LRRC53: variants seen among roughly 807,000 people sequenced by gnomAD.
LRRC53 encodes the protein leucine-rich repeat-containing protein 53.
Under a neutral mutation model 13.6 loss-of-function variants are expected in LRRC53, and 25 were observed. That is an observed-to-expected ratio of 1.83 (90% confidence interval 1.34 to 2.56). The LOEUF (loss-of-function observed/expected upper bound fraction) is 2.56. Ranked by LOEUF, LRRC53 falls within the 30% of genes most tolerant of loss-of-function variation. The pLI is 0.00. For synonymous variants in LRRC53, 204 were observed against 109.8 expected (o/e 1.86, Z -5.37); for missense variants, 527 against 275.8 (o/e 1.91, Z -6.45).
intron 1 of LRRC53, among the ~76,000 whole-genome samples, chr1:74,490,448 G>C (rs1166832862): frequency 1.3e-5 from 2 of 152,096 alleles, no homozygotes; most frequent in Non-Finnish European, 2.9e-5. Context: ...TCTGGAGGTG[G>C]ATTCCAGAAA....
At chr1:74,481,149 A>G (rs1024486677) in intron 2 of LRRC53, among the ~76,000 whole-genome samples, 181 bp from the exon 3 acceptor site, 14 of 152,218 alleles carry the variant, frequency 9.2e-5, no homozygotes, top group African/African-American at 3.4e-4. Flanking sequence ...CTGGCTATAT[A>G]TCAAAATGAT....
At chr1:74,487,995 G>T (rs1668853121) in intron 1 of LRRC53, among the ~76,000 whole-genome samples, 1 of 152,190 alleles carries the variant, frequency 6.6e-6, no homozygotes, top group Non-Finnish European at 1.5e-5. Context: ...GACTAAAGGA[G>T]TTTGGAGGAC....
chr1:74,497,850 A>G (rs1669409380), intron 1 of LRRC53, among the ~76,000 whole-genome samples: 1 of 152,206 alleles, frequency 6.6e-6, no homozygotes. Context: ...TCCGGAGTCC[A>G]ATTGATTCAG....
chr1:74,521,273 T>C, the LRRC53 span, among the ~76,000 whole-genome samples: 30 of 152,276 alleles, frequency 2.0e-4, no homozygotes, highest in South Asian at 6.0e-3. Context: ...GCTCATTAAC[T>C]TCTTTCTAGT....
At chr1:74,491,382 G>A (rs1030689602) in intron 1 of LRRC53, among the ~76,000 whole-genome samples, 1 of 152,168 alleles carries the variant, frequency 6.6e-6, no homozygotes, top group Admixed American at 6.5e-5. Flanking sequence ...ACCACTCCCA[G>A]CTAATTTTTG....
At chr1:74,531,624 T>C in the LRRC53 span, among the ~76,000 whole-genome samples, 14 of 152,336 alleles carry the variant, frequency 9.2e-5, no homozygotes, top group Non-Finnish European at 1.8e-4. Flanking sequence ...AAGAGATTTA[T>C]TATCCTAGTG....
intron 1 of LRRC53, among the ~76,000 whole-genome samples, chr1:74,501,149 T>A (rs1328564133): frequency 6.6e-6 from 1 of 152,186 alleles, no homozygotes. Flanking sequence ...CAATCTCTTT[T>A]TAAAAAATAT....
Position 74,480,594 on chromosome 1 carries a change from T to C in LRRC53, c.463A>G (p.Asn155Asp), listed in dbSNP as rs1198284951. Reference sequence around the variant, plus strand: ...TCCAGATACCTGAGACTGTGGAGATTCGTGCCTCCGAAAGAACTGTCTGTG... The same window carrying C: ...TCCAGATACCTGAGACTGTGGAGATCCGTGCCTCCGAAAGAACTGTCTGTG... ...NLTDSSFGGT[N>D]LHSLRYLDLS... is the part of the protein sequence containing the mutation. The change falls in exon 3 of 5, where the codon AAT becomes GAT. Residue 155 changes from asparagine (N) to aspartate (D), a missense_variant. Physicochemically the swap from Asn to Asp is conservative, Grantham distance 23. Coordinates refer to ENST00000294635, the MANE Select transcript of LRRC53 (RefSeq NM_001382280.1). 1 of 717,264 alleles carries C rather than the reference T, an allele frequency of 1.4e-6. No individual in the cohort carries two copies. The highest frequency in any genetic ancestry group is 2.7e-5 in the East Asian group (1 of 37,288). The allele number at this position is 717,264 out of a possible 1,614,324, so 44.4% of individuals were successfully genotyped here. A position where few individuals can be genotyped will look rare whatever the true frequency, so the allele number is the denominator to read the frequency against.
chr1:74,474,649 G>A (rs1668101364), intron 4 of LRRC53, among the ~76,000 whole-genome samples: 1 of 152,142 alleles, frequency 6.6e-6, no homozygotes, highest in South Asian at 2.1e-4. Flanking sequence ...TATTCAGGAA[G>A]AAAAAGGAAG....
At position 74,469,578 on chromosome 1, in the gene LRRC53, C is replaced by CT. The variant is rs3835392; in HGVS notation, c.*299dup. 7,180 of 208,194 alleles carry CT rather than the reference C, an allele frequency of 0.034. 113 individuals carry two copies. The highest frequency in any genetic ancestry group is 0.05 in the Non-Finnish European group (5,334 of 107,578). 12.9% of individuals were successfully genotyped at this position (208,194 alleles called of 1,614,324 possible). On this transcript the variant is annotated 3_prime_UTR_variant, in exon 5 of 5. Transcript: ENST00000294635. ...TATGTAGTTTTTCATTTGTTTAAGG[C>CT]TTTTTTTTTTTCAATGTTTGCTTGC... is the stretch of plus-strand genomic sequence containing the variant.
At chr1:74,483,219 A>G in intron 2 of LRRC53, 43 bp downstream of exon 2, 8 of 713,556 alleles carry the variant, frequency 1.1e-5, no homozygotes, top group Non-Finnish European at 2.1e-5. Flanking sequence ...CCAATTTTCC[A>G]GGTACACTGA....
intron 2 of LRRC53, among the ~76,000 whole-genome samples, chr1:74,482,797 A>G (rs1054246393): frequency 5.3e-5 from 8 of 152,204 alleles, no homozygotes; most frequent in Non-Finnish European, 1.2e-4. Context: ...CAGCTCATTT[A>G]CCACCAATAA....
At chr1:74,472,950 A>G (rs997163802) in intron 4 of LRRC53, among the ~76,000 whole-genome samples, 3 of 152,234 alleles carry the variant, frequency 2.0e-5, no homozygotes, top group Non-Finnish European at 2.9e-5. Context: ...AAAATAGTAC[A>G]TGATGAACCA....
At chr1:74,504,118 A>G (rs1327027386) in intron 1 of LRRC53, among the ~76,000 whole-genome samples, 3 of 152,236 alleles carry the variant, frequency 2.0e-5, no homozygotes, top group East Asian at 1.9e-4. Flanking sequence ...TTATGCACAC[A>G]TATACACGAA....
At chr1:74,527,549 C>T in the LRRC53 span, among the ~76,000 whole-genome samples, 1 of 152,120 alleles carries the variant, frequency 6.6e-6, no homozygotes, top group African/African-American at 2.4e-5. Flanking sequence ...CAGAAAGCCA[C>T]TATGGTGGAT....
At chr1:74,498,986 T>A (rs982230974) in intron 1 of LRRC53, among the ~76,000 whole-genome samples, 4 of 152,208 alleles carry the variant, frequency 2.6e-5, no homozygotes, top group Non-Finnish European at 4.4e-5. Context: ...TTCTGATAAA[T>A]ACACCAATTA....
At position 74,469,909 on chromosome 1, in the gene LRRC53, T is replaced by C. The variant is rs1244081935; in HGVS notation, c.3713A>G (p.Tyr1238Cys). 7.5e-6 allele frequency: 3 copies of C among 400,542 alleles called. No homozygotes were observed. Among genetic ancestry groups the C allele is most frequent in the Non-Finnish European group, 1.3e-5 (3 of 226,118 alleles). The allele number at this position is 400,542 out of a possible 1,614,324, so 24.8% of individuals were successfully genotyped here. ...TGTTTCTAAAGGTGATGTAGTAGCATATTCAGCAGATGGTGGATACAGTAC... is the reference window on the plus strand; with the variant it reads ...TGTTTCTAAAGGTGATGTAGTAGCACATTCAGCAGATGGTGGATACAGTAC... ...KPVLYPPSAE[Y>C]ATTSPLETE The change falls in exon 5 of 5, where the codon TAT becomes TGT. Residue 1238 changes from tyrosine (Y) to cysteine (C), a missense_variant. Coordinates refer to ENST00000294635, the MANE Select transcript of LRRC53 (RefSeq NM_001382280.1).
chr1:74,514,432 T>C (rs896180949), upstream of LRRC53, among the ~76,000 whole-genome samples: 1 of 152,144 alleles, frequency 6.6e-6, no homozygotes, highest in Non-Finnish European at 1.5e-5. Flanking sequence ...AATGAAAAGG[T>C]CCATTTTAAT....
At chr1:74,535,423 TTGCATCA>T in the LRRC53 span, among the ~76,000 whole-genome samples, 2 of 152,124 alleles carry the variant, frequency 1.3e-5, no homozygotes, top group African/African-American at 4.8e-5. Flanking sequence ...TGAGCCGAGA[TTGCATCA>T]CTGCAATCCA....
Sources: allele counts gnomAD v4.1 joint callset (sites outside exome capture counted in the v4.1 genomes callset), GRCh38; gene constraint gnomAD v4.1.1; transcripts MANE v1.5; gene names NCBI Gene and HGNC (gene_info 2026-07-23, HGNC 2026-07-21).